Variants in BAIAP2 observed in about 807,000 individuals in gnomAD.
The protein encoded by BAIAP2 is BAR/IMD domain containing adaptor protein 2, also known as BAR/IMD domain-containing adapter protein 2.
Under a neutral mutation model 63.0 loss-of-function variants are expected in BAIAP2, and 18 were observed. That is an observed-to-expected ratio of 0.29 (90% CI 0.20 to 0.42). The LOEUF (loss-of-function observed/expected upper bound fraction) is 0.42. BAIAP2 is among the 10% of genes least tolerant of loss of function. The probability of loss-of-function intolerance (pLI) is 1.00; values close to 1 mark genes in which losing one functional copy is unlikely to be tolerated. For synonymous variants in BAIAP2, 386 were observed against 307.6 expected (o/e 1.25, Z -2.67); for missense variants, 610 against 734.3 (o/e 0.83, Z 1.96).
In BAIAP2 at chr17:81,103,948, C is replaced by T. The variant is rs775849748; in HGVS notation, c.906C>T (p.Val302=). 3.7e-6 allele frequency: 6 copies of T among 1,613,056 alleles called. No individual in the cohort carries two copies. Among genetic ancestry groups the T allele is most frequent in the Non-Finnish European group, 4.2e-6 (5 of 1,180,034 alleles). Residue 302 remains valine, a synonymous_variant, in exon 9 of 14, where the codon GTC becomes GTT. Coordinates refer to ENST00000428708, the MANE Select transcript of BAIAP2 (RefSeq NM_001144888.2). Reference sequence around the variant, plus strand: ...AGAGCACACCCATCATGAACGGCGTCACAGGCCCGGATGGCGAGGACTACA... The same window carrying T: ...AGAGCACACCCATCATGAACGGCGTTACAGGCCCGGATGGCGAGGACTACA... ...AQESTPIMNG[V]TGPDGEDYSP...
chr17:81,042,542 G>T (rs2047230496), intron 1 of BAIAP2, among the ~76,000 whole-genome samples: 1 of 151,986 alleles, frequency 6.6e-6, no homozygotes, highest in East Asian at 1.9e-4. Flanking sequence ...ACACTGAGCT[G>T]TCCAGGCGTG....
chr17:81,078,091 G>A (rs2053971949), intron 3 of BAIAP2, among the ~76,000 whole-genome samples: 1 of 149,856 alleles, frequency 6.7e-6, no homozygotes, highest in South Asian at 2.1e-4. Flanking sequence ...CACTCTGGGT[G>A]CCGGTGCGGG....
At chr17:81,091,837 C>T (rs959340047) in intron 6 of BAIAP2, among the ~76,000 whole-genome samples, 3 of 152,342 alleles carry the variant, frequency 2.0e-5, no homozygotes, top group Middle Eastern at 3.4e-3. Flanking sequence ...CCTTGGAGAC[C>T]CTTTAGTGCC....
chr17:81,085,154 G>A (rs924367811), intron 4 of BAIAP2: 5 of 557,776 alleles, frequency 9.0e-6, no homozygotes, highest in Admixed American at 6.2e-5. Context: ...AGTCCTGATC[G>A]CAGCCCCAGC....
chr17:81,045,579 T>C (rs1474737004), intron 1 of BAIAP2, among the ~76,000 whole-genome samples: 2 of 152,046 alleles, frequency 1.3e-5, no homozygotes, highest in Non-Finnish European at 2.9e-5. Flanking sequence ...AAGGAATCAC[T>C]TTATTATGAT....
chr17:81,058,060 G>A, intron 3 of BAIAP2, 93 bp downstream of exon 3: 1 of 1,081,420 alleles, frequency 9.2e-7, no homozygotes, highest in African/African-American at 1.6e-5. Context: ...TTTTGATTTG[G>A]GATCAGGTTT....
intron 1 of BAIAP2, among the ~76,000 whole-genome samples, chr17:81,047,122 C>G (rs951848113): frequency 1.3e-5 from 2 of 152,332 alleles, no homozygotes; most frequent in East Asian, 3.9e-4. Context: ...TGGGAGAGGC[C>G]AGGTGGATCG....
In BAIAP2 at chr17:81,108,076, G is replaced by C. The variant is rs555556582; in HGVS notation, c.1501-399G>C. The C allele has an allele frequency of 8.6e-4, 227 of 263,256 alleles. 1 individual carries two copies. Among genetic ancestry groups the C allele is most frequent in the African/African-American group, 4.8e-3 (216 of 44,802 alleles). 16.3% of individuals were successfully genotyped at this position (263,256 alleles called of 1,614,324 possible). A position where few individuals can be genotyped will look rare whatever the true frequency, so the allele number is the denominator to read the frequency against. The stretch of plus-strand genomic sequence containing the variant: ...CAGCTGGGGTCTGGGTCTGGTCCTG[G>C]GTCCTACAAGCAGGCGGAGGAGTCC... On this transcript the variant is annotated intron_variant, in intron 12 of 13. Transcript: ENST00000428708.
At chr17:81,110,284 C>A (rs115840168) in intron 13 of BAIAP2, 2 of 985,986 alleles carry the variant, frequency 2.0e-6, no homozygotes, top group South Asian at 4.7e-5. Flanking sequence ...AAGGGCGGAC[C>A]GGGCCCTGTG....
Position 81,115,843 on chromosome 17 carries a change from C to T in BAIAP2, c.*4C>T, listed in dbSNP as rs779447431. Reference sequence around the variant, plus strand: ...GTCTGCCCCCCTCCTCAGCTGATGGCCACATCTGCAGTGCTGCCCATCTGG... The same window carrying T: ...GTCTGCCCCCCTCCTCAGCTGATGGTCACATCTGCAGTGCTGCCCATCTGG... On this transcript the variant is annotated 3_prime_UTR_variant, in exon 14 of 14. Coordinates refer to ENST00000428708, the MANE Select transcript of BAIAP2 (RefSeq NM_001144888.2). 4 of 1,613,268 alleles carry T rather than the reference C, an allele frequency of 2.5e-6. No homozygotes were observed. The highest frequency in any genetic ancestry group is 2.7e-5 in the African/African-American group (2 of 75,074).
intron 3 of BAIAP2, among the ~76,000 whole-genome samples, chr17:81,079,196 G>A (rs1489772162): frequency 2.0e-5 from 3 of 152,188 alleles, no homozygotes; most frequent in African/African-American, 7.2e-5. Context: ...TTTCCTTGCT[G>A]GGGAGCAGGG....
At chr17:81,095,190 A>C (rs1052996759) in intron 6 of BAIAP2, among the ~76,000 whole-genome samples, 1 of 150,830 alleles carries the variant, frequency 6.6e-6, no homozygotes, top group African/African-American at 2.4e-5. Context: ...GCGGGCGGGG[A>C]CTGGAGGGGG....
intron 6 of BAIAP2, chr17:81,086,889 C>A (rs542741399): frequency 3.6e-6 from 1 of 278,036 alleles, no homozygotes; most frequent in Non-Finnish European, 6.9e-6. Flanking sequence ...CCCGGGAGTC[C>A]GGTCCCAGTT....
chr17:81,053,511 G>A, intron 1 of BAIAP2, 157 bp from the exon 2 acceptor site: 1 of 736,596 alleles, frequency 1.4e-6, no homozygotes, highest in Non-Finnish European at 2.3e-6. Context: ...TCAGGGGCAT[G>A]GCTGGGATTT....
At chr17:81,063,161 A>C (rs1598593280) in intron 3 of BAIAP2, among the ~76,000 whole-genome samples, 1 of 152,166 alleles carries the variant, frequency 6.6e-6, no homozygotes, top group East Asian at 1.9e-4. Context: ...TGTGAGGTGG[A>C]CAGAAACAAG....
chr17:81,049,940 C>T (rs571526561), intron 1 of BAIAP2, among the ~76,000 whole-genome samples: 1 of 152,312 alleles, frequency 6.6e-6, no homozygotes, highest in African/African-American at 2.4e-5. Context: ...TGCCTGTGTT[C>T]TAGGATAATG....
intron 3 of BAIAP2, among the ~76,000 whole-genome samples, chr17:81,074,473 C>T (rs1247650280): frequency 2.0e-5 from 3 of 148,770 alleles, no homozygotes; most frequent in African/African-American, 2.5e-5. Context: ...TGTGCATGCA[C>T]GGATACATGT....
intron 13 of BAIAP2, chr17:81,109,076 C>G (rs2059554724): frequency 1.3e-6 from 2 of 1,503,564 alleles, no homozygotes; most frequent in South Asian, 2.5e-5. Context: ...TCCTCCTCAG[C>G]TCTCGCTGGT....
chr17:81,038,829 G>A (rs1432395702), intron 1 of BAIAP2, among the ~76,000 whole-genome samples: 3 of 152,202 alleles, frequency 2.0e-5, no homozygotes, highest in African/African-American at 4.8e-5. Flanking sequence ...ATTTGGAGAC[G>A]GTGGGGGGTG....
Sources: allele counts gnomAD v4.1 joint callset (sites outside exome capture counted in the v4.1 genomes callset), GRCh38; gene constraint gnomAD v4.1.1; transcripts MANE v1.5; gene names NCBI Gene and HGNC (gene_info 2026-07-23, HGNC 2026-07-21).